Variants in UBAP2L observed in about 807,000 individuals in gnomAD.
UBAP2L encodes ubiquitin-associated protein 2-like.
UBAP2L carries 12 observed loss-of-function variants against 130.6 expected under a neutral mutation model. The observed-to-expected ratio is 0.09, with a 90% CI of 0.06 to 0.15. The LOEUF (loss-of-function observed/expected upper bound fraction) is 0.15. UBAP2L is among the 10% of genes least tolerant of loss of function. The probability of loss-of-function intolerance (pLI) is 1.00; values close to 1 mark genes in which losing one functional copy is unlikely to be tolerated. For synonymous variants in UBAP2L, 503 were observed against 524.7 expected (o/e 0.96, Z 0.57); for missense variants, 965 against 1,332.5 (o/e 0.72, Z 4.29).
intron 4 of UBAP2L, among the ~76,000 whole-genome samples, chr1:154,233,227 C>T (rs1156296441): frequency 6.6e-6 from 1 of 152,014 alleles, no homozygotes; most frequent in Non-Finnish European, 1.5e-5. Context: ...GTTGGCCAGG[C>T]TGTTCTCAAA....
intron 11 of UBAP2L, among the ~76,000 whole-genome samples, chr1:154,248,721 C>T (rs1205304717): frequency 6.6e-6 from 1 of 152,044 alleles, no homozygotes; most frequent in Non-Finnish European, 1.5e-5. Context: ...GAGGCTGAGG[C>T]AGGAGAATGG....
At position 154,236,556 on chromosome 1, in the gene UBAP2L, C is replaced by CT. The variant is rs1558145101; in HGVS notation, c.545-7dup. 1 of 1,613,736 alleles carries CT rather than the reference C, an allele frequency of 6.2e-7. No individual in the cohort carries two copies. Among genetic ancestry groups the CT allele is most frequent in the East Asian group, 2.2e-5 (1 of 44,866 alleles). Reference sequence around the variant, plus strand: ...ACATCTCTCTTCTCTTTTTCTCATTCTTTCTTTAGGTGGCTCTGGTAGGCG... The same window carrying CT: ...ACATCTCTCTTCTCTTTTTCTCATTCTTTTCTTTAGGTGGCTCTGGTAGGCG... On this transcript the variant is annotated splice_polypyrimidine_tract_variant and intron_variant, in intron 6 of 26. Coordinates refer to ENST00000428931, the MANE Select transcript of UBAP2L (RefSeq NM_014847.4).
chr1:154,236,727 G>C (rs954843931), intron 7 of UBAP2L, 116 bp downstream of exon 7: 52 of 1,105,434 alleles, frequency 4.7e-5, no homozygotes, highest in Non-Finnish European at 6.9e-5. Flanking sequence ...TGGGGACTTA[G>C]GGCTCATTTC....
Position 154,224,753 on chromosome 1 carries a change from G to C in UBAP2L, c.-40-331G>C, listed in dbSNP as rs552649308. On this transcript the variant is annotated intron_variant, in intron 1 of 26. Transcript: ENST00000428931. ...CTGATTATCTTTCCTTCTGTCAAAG[G>C]TACTTCAGATACTTGCATCTATGTA... Among the ~76,000 whole-genome samples the C allele has an allele frequency of 3.9e-5, 6 of 152,158 alleles. No individual in the cohort carries two copies. The East Asian group carries it at 1.2e-3, about 29-fold the overall frequency.
At chr1:154,244,314 C>T (rs1674616349) in intron 10 of UBAP2L, among the ~76,000 whole-genome samples, 1 of 152,202 alleles carries the variant, frequency 6.6e-6, no homozygotes, top group Non-Finnish European at 1.5e-5. Flanking sequence ...GACCGCCTTT[C>T]AAGTTTGATA....
intron 20 of UBAP2L, chr1:154,257,781 C>T (rs2148973587): frequency 1.6e-5 from 5 of 310,656 alleles, no homozygotes; most frequent in South Asian, 1.4e-4. Context: ...CTGAGGCCAA[C>T]CCATCTATTG....
At chr1:154,232,333 AAAAGG>A (rs1670118027) in intron 4 of UBAP2L, among the ~76,000 whole-genome samples, 1 of 151,784 alleles carries the variant, frequency 6.6e-6, no homozygotes, top group South Asian at 2.1e-4. Flanking sequence ...CAAAAAAAAA[AAAAGG>A]AAAGAAATCT....
chr1:154,227,961 T>C (rs1241606340), intron 3 of UBAP2L, among the ~76,000 whole-genome samples: 1 of 152,184 alleles, frequency 6.6e-6, no homozygotes, highest in Non-Finnish European at 1.5e-5. Flanking sequence ...ATAGGAAATG[T>C]GGAAATTCAT....
chr1:154,246,870 G>A (rs1675695941), intron 11 of UBAP2L, among the ~76,000 whole-genome samples: 1 of 152,138 alleles, frequency 6.6e-6, no homozygotes, highest in African/African-American at 2.4e-5. Context: ...ATGTAAATAG[G>A]GATAAAAGTG....
At chr1:154,224,358 A>T (rs1471526053) in intron 1 of UBAP2L, among the ~76,000 whole-genome samples, 2 of 152,186 alleles carry the variant, frequency 1.3e-5, no homozygotes, top group African/African-American at 2.4e-5. Flanking sequence ...GAAAATGTGG[A>T]CTAGGAGACC....
chr1:154,235,968 A>G (rs1460582970), intron 6 of UBAP2L, among the ~76,000 whole-genome samples: 1 of 152,190 alleles, frequency 6.6e-6, no homozygotes, highest in African/African-American at 2.4e-5. Context: ...GGTGTCATGC[A>G]TATACTAGAG....
intron 26 of UBAP2L, 41 bp downstream of exon 26, chr1:154,268,995 T>G: frequency 6.2e-7 from 1 of 1,606,000 alleles, no homozygotes; most frequent in South Asian, 1.1e-5. Flanking sequence ...TTCCTCTTCC[T>G]TCCTATCCCT....
chr1:154,225,282 G>C, intron 2 of UBAP2L, 69 bp downstream of exon 2: 1 of 1,530,534 alleles, frequency 6.5e-7, no homozygotes, highest in South Asian at 1.1e-5. Context: ...ATGCAGTACA[G>C]CATCATTCTG....
chr1:154,249,982 A>G (rs1448383682), intron 12 of UBAP2L, among the ~76,000 whole-genome samples: 2 of 152,164 alleles, frequency 1.3e-5, no homozygotes, highest in Non-Finnish European at 2.9e-5. Context: ...TTTGAAAATA[A>G]CATATTGCCT....
At chr1:154,240,132 T>G (rs1278725531) in intron 8 of UBAP2L, among the ~76,000 whole-genome samples, 1 of 152,148 alleles carries the variant, frequency 6.6e-6, no homozygotes, top group Non-Finnish European at 1.5e-5. Flanking sequence ...CTTATAAGCT[T>G]TTTTCCAGTA....
Position 154,255,132 on chromosome 1 carries a change from CCTTT to C in UBAP2L, c.1910-16_1910-13del. The C allele has an allele frequency of 1.2e-6, 2 of 1,612,454 alleles. No homozygotes were observed. The highest frequency in any genetic ancestry group is 1.3e-5 in the African/African-American group (1 of 74,976). On this transcript the variant is annotated splice_polypyrimidine_tract_variant and intron_variant, in intron 16 of 26. Coordinates refer to ENST00000428931, the MANE Select transcript of UBAP2L (RefSeq NM_014847.4). ...TCCCTTTTTTCTGATGAGAGGAATT[CCTTT>C]CTTCTAAATTTCTAGGTGCTACAGG... is the stretch of plus-strand genomic sequence containing the variant.
intron 5 of UBAP2L, 27 bp downstream of exon 5, chr1:154,234,786 G>C: frequency 6.4e-7 from 1 of 1,562,452 alleles, no homozygotes; most frequent in Non-Finnish European, 8.7e-7. Flanking sequence ...ATCAAAACCA[G>C]CTGTGGGTCA....
At chr1:154,227,171 A>G (rs1461831308) in intron 2 of UBAP2L, 111 bp from the exon 3 acceptor site, 4 of 891,242 alleles carry the variant, frequency 4.5e-6, no homozygotes, top group African/African-American at 1.7e-5. Flanking sequence ...TTACTTGCTC[A>G]TTTGTTACAA....
At chr1:154,248,045 G>A (rs752190086) in intron 11 of UBAP2L, among the ~76,000 whole-genome samples, 37 of 151,366 alleles carry the variant, frequency 2.4e-4, no homozygotes, top group Non-Finnish European at 3.8e-4. Flanking sequence ...TTGGCTCACC[G>A]CAACCTCCAC....
Sources: gnomAD v4.1 joint callset for allele counts (sites outside exome capture counted in the v4.1 genomes callset) on GRCh38, gnomAD v4.1.1 for gene constraint, MANE v1.5 for transcripts, NCBI Gene and HGNC (gene_info 2026-07-23, HGNC 2026-07-21) for gene names.